Variants in DSCAML1 observed in about 807,000 individuals in gnomAD.
The protein encoded by DSCAML1 is DS cell adhesion molecule like 1, also known as cell adhesion molecule DSCAML1.
DSCAML1 carries 38 observed loss-of-function variants against 200.5 expected under a neutral mutation model. The ratio of observed to expected loss-of-function variants is 0.19; its 90% CI spans 0.15 to 0.25. The LOEUF (loss-of-function observed/expected upper bound fraction) is 0.25, where lower values mean the gene tolerates loss of function less well. Among genes scored for constraint, DSCAML1 ranks in the 10% least tolerant of loss-of-function variants. DSCAML1 has a pLI of 1.00. For missense variants in DSCAML1, 2,223 were observed against 2,858.8 expected (o/e 0.78, Z 5.07); for synonymous variants, 1,215 against 1,165.0 (o/e 1.04, Z -0.87).
rs763631928 is a variant in DSCAML1 at position 117,518,269 on chromosome 11, GAC to G, written c.1510+195_1510+196del. On this transcript the variant is annotated intron_variant, in intron 7 of 32. Coordinates refer to ENST00000651296, the MANE Select transcript of DSCAML1 (RefSeq NM_020693.4). This position sits in a 1 kb window ranked among gnomAD's most constrained non-coding sequence, Gnocchi z 6.3. ...AGGTGAATGAGGGTGAACTGTACCA[GAC>G]ACACACACGCACACAAGAATGGATG... Among the ~76,000 whole-genome samples, 5 of 152,132 alleles carry G rather than the reference GAC, an allele frequency of 3.3e-5. No homozygotes were observed. Among genetic ancestry groups the G allele is most frequent in the Non-Finnish European group, 5.9e-5 (4 of 67,978 alleles).
chr11:117,659,490 T>G (rs2052799381), intron 3 of DSCAML1, among the ~76,000 whole-genome samples: 1 of 152,226 alleles, frequency 6.6e-6, no homozygotes, highest in Non-Finnish European at 1.5e-5. Context: ...GAGACTATCT[T>G]TCAAAACAGC....
Position 117,714,028 on chromosome 11 carries a change from G to A in DSCAML1, c.511+62763C>T, listed in dbSNP as rs1396842127. 2.6e-5 allele frequency among the ~76,000 whole-genome samples: 4 copies of A among 152,310 alleles called. No individual in the cohort carries two copies. In the East Asian group the frequency reaches 7.7e-4, roughly 29 times the overall value. ...AAATACTGGCTTTGTGTGTGGCACT[G>A]GGCAAATTAGTCAATCTTCCTGAGT... On this transcript the variant is annotated intron_variant, in intron 3 of 32. Coordinates refer to ENST00000651296, the MANE Select transcript of DSCAML1 (RefSeq NM_020693.4).
At chr11:117,617,174 G>A (rs1354189485) in intron 3 of DSCAML1, among the ~76,000 whole-genome samples, 1 of 152,212 alleles carries the variant, frequency 6.6e-6, no homozygotes, top group Non-Finnish European at 1.5e-5. Context: ...AAGTCACACA[G>A]CTGGTAAGGG....
chr11:117,740,028 T>G (rs1244229780), intron 3 of DSCAML1, among the ~76,000 whole-genome samples: 1 of 152,118 alleles, frequency 6.6e-6, no homozygotes, highest in African/African-American at 2.4e-5. Context: ...GAGGAACCAA[T>G]GGGTAGAGAT....
At chr11:117,789,189 G>A (rs1278947081) in intron 1 of DSCAML1, among the ~76,000 whole-genome samples, 3 of 152,196 alleles carry the variant, frequency 2.0e-5, no homozygotes, top group Non-Finnish European at 2.9e-5. Flanking sequence ...AAACCTGCGA[G>A]GTCCAGTGGA....
chr11:117,433,086 C>T (rs2047835821), intron 29 of DSCAML1, 52 bp downstream of exon 29: 3 of 1,524,424 alleles, frequency 2.0e-6, no homozygotes, highest in Admixed American at 1.7e-5. Context: ...TGGGTTGTAG[C>T]CTGGGGAAGC....
At chr11:117,755,479 C>A (rs2054671158) in intron 3 of DSCAML1, among the ~76,000 whole-genome samples, 1 of 152,116 alleles carries the variant, frequency 6.6e-6, no homozygotes, top group Non-Finnish European at 1.5e-5. Flanking sequence ...AGAGACCCAG[C>A]CAAGAATCCA....
intron 5 of DSCAML1, among the ~76,000 whole-genome samples, chr11:117,522,476 C>G (rs1038139486): frequency 6.6e-6 from 1 of 152,198 alleles, no homozygotes; most frequent in Admixed American, 6.5e-5. Flanking sequence ...TCTCCTTGAT[C>G]TCTATGGGCT....
chr11:117,528,213 A>C lies in DSCAML1; in HGVS notation c.659-3130T>G, dbSNP rs115645211. 5.4e-3 allele frequency among the ~76,000 whole-genome samples: 823 copies of C among 152,282 alleles called. 6 individuals carry two copies. Among genetic ancestry groups the C allele is most frequent in the African/African-American group, 0.019 (791 of 41,562 alleles). On this transcript the variant is annotated intron_variant, in intron 4 of 32. Coordinates refer to ENST00000651296, the MANE Select transcript of DSCAML1 (RefSeq NM_020693.4). ...GGCTGGGATAAACAAACCCAGTGCC[A>C]AGGAAGAATTACTCAATGTGACACT...
At chr11:117,441,801 G>A (rs961079476) in intron 21 of DSCAML1, among the ~76,000 whole-genome samples, 3 of 152,136 alleles carry the variant, frequency 2.0e-5, no homozygotes, top group Non-Finnish European at 4.4e-5. Context: ...TTGGAGCAGT[G>A]GGGGCACCAG....
At chr11:117,675,490 T>A (rs1000749398) in intron 3 of DSCAML1, among the ~76,000 whole-genome samples, 2 of 148,918 alleles carry the variant, frequency 1.3e-5, no homozygotes, top group Admixed American at 1.3e-4. Context: ...TTTTTTTTTT[T>A]TTTTTTTTTA....
intron 3 of DSCAML1, among the ~76,000 whole-genome samples, chr11:117,635,447 GGT>G (rs201976004): frequency 0.062 from 9,131 of 146,132 alleles, 704 homozygotes; most frequent in African/African-American, 0.19. Context: ...TAGTGTGTGT[GGT>G]GTGTGTGTGT....
At chr11:117,805,249 C>T (rs2055699672) in intron 1 of DSCAML1, among the ~76,000 whole-genome samples, 1 of 152,190 alleles carries the variant, frequency 6.6e-6, no homozygotes, top group Admixed American at 6.5e-5. Flanking sequence ...CAATGGGTGA[C>T]TCAGAATGTC....
intron 18 of DSCAML1, 92 bp from the exon 19 acceptor site, chr11:117,459,001 T>A (rs1386570558): frequency 6.7e-7 from 1 of 1,499,030 alleles, no homozygotes; most frequent in Non-Finnish European, 9.1e-7. Context: ...CCACACCTAC[T>A]GCACAGGCTC....
chr11:117,649,041 A>ATATATGTGTGTGTGTGTGTGTG (rs768621807), intron 3 of DSCAML1, among the ~76,000 whole-genome samples: 3 of 137,846 alleles, frequency 2.2e-5, no homozygotes, highest in Admixed American at 7.2e-5. Context: ...CTCCATATAT[A>ATATATGTGTGTGTGTGTGTGTG]TGTGTGTGTG....
At chr11:117,481,916 ACT>A (rs745650720) in intron 12 of DSCAML1, 45 bp downstream of exon 12, 17 of 1,608,250 alleles carry the variant, frequency 1.1e-5, no homozygotes, top group South Asian at 8.8e-5. Flanking sequence ...CGGGCTCCCC[ACT>A]CTCTGAGAGT....
At chr11:117,763,653 C>T (rs1591483819) in intron 3 of DSCAML1, among the ~76,000 whole-genome samples, 1 of 151,820 alleles carries the variant, frequency 6.6e-6, no homozygotes, top group Non-Finnish European at 1.5e-5. Context: ...TCTCAGCTCT[C>T]CAGGAGTTCA....
At chr11:117,725,860 G>GAGGCAGC (rs1322943366) in intron 3 of DSCAML1, among the ~76,000 whole-genome samples, 2 of 151,712 alleles carry the variant, frequency 1.3e-5, no homozygotes, top group African/African-American at 4.9e-5. Flanking sequence ...AAAAGGTAGG[G>GAGGCAGC]AGGCAGCAGG....
At chr11:117,750,298 T>C (rs564987313) in intron 3 of DSCAML1, among the ~76,000 whole-genome samples, 1 of 152,310 alleles carries the variant, frequency 6.6e-6, no homozygotes, top group East Asian at 1.9e-4. Flanking sequence ...CAGGTAAAGA[T>C]ATCTGTGTCT....
Sources: allele counts gnomAD v4.1 joint callset (sites outside exome capture counted in the v4.1 genomes callset), GRCh38; gene constraint gnomAD v4.1.1; non-coding constraint Gnocchi (gnomAD v3.1); transcripts MANE v1.5; gene names NCBI Gene and HGNC (gene_info 2026-07-23, HGNC 2026-07-21).